MACROD2: variants seen among roughly 807,000 people sequenced by gnomAD.
MACROD2 encodes ADP-ribose glycohydrolase MACROD2.
A neutral mutation model predicts 70.4 loss-of-function variants in MACROD2; 36 were observed. That is an observed-to-expected ratio of 0.51 (90% confidence interval 0.39 to 0.68). The LOEUF is 0.68. Among genes scored for constraint, MACROD2 ranks in the 30% least tolerant of loss-of-function variants. MACROD2 has a pLI of 0.00. For synonymous variants in MACROD2, 172 were observed against 178.8 expected (o/e 0.96, Z 0.30); for missense variants, 496 against 538.4 (o/e 0.92, Z 0.78).
At chr20:15,370,078 T>G (rs2045471010) in intron 6 of MACROD2, among the ~76,000 whole-genome samples, 1 of 152,146 alleles carries the variant, frequency 6.6e-6, no homozygotes, top group African/African-American at 2.4e-5. Context: ...TATAATGAAC[T>G]TAGATGACTG....
intron 6 of MACROD2, among the ~76,000 whole-genome samples, chr20:15,276,131 T>G (rs1363248894): frequency 6.6e-6 from 1 of 152,176 alleles, no homozygotes; most frequent in East Asian, 1.9e-4. Flanking sequence ...CTGGTTGCGG[T>G]AGCTCATGCC....
intron 3 of MACROD2, among the ~76,000 whole-genome samples, chr20:14,433,634 T>C (rs2084021200): frequency 6.6e-6 from 1 of 152,092 alleles, no homozygotes; most frequent in African/African-American, 2.4e-5. Context: ...GAGTTAAGAC[T>C]ACTCACAAAA....
chr20:14,969,361 T>TACACACACACAC (rs3045701), intron 5 of MACROD2, among the ~76,000 whole-genome samples: 277 of 138,086 alleles, frequency 2.0e-3, no homozygotes, highest in South Asian at 7.0e-3. Context: ...TAAATGCTTT[T>TACACACACACAC]ACACACACAC....
chr20:14,161,568 C>A (rs752848163), intron 3 of MACROD2, among the ~76,000 whole-genome samples: 5 of 151,254 alleles, frequency 3.3e-5, no homozygotes, highest in Non-Finnish European at 5.9e-5. Context: ...TGTTGATAGA[C>A]CCTTTGGTTT....
intron 4 of MACROD2, among the ~76,000 whole-genome samples, chr20:14,592,917 T>G (rs1981873587): frequency 6.6e-6 from 1 of 152,160 alleles, no homozygotes; most frequent in Non-Finnish European, 1.5e-5. Flanking sequence ...ACTGAGATAG[T>G]TTAAGTTTCA....
At chr20:15,909,035 A>G (rs1256267024) in intron 10 of MACROD2, among the ~76,000 whole-genome samples, 1 of 152,220 alleles carries the variant, frequency 6.6e-6, no homozygotes, top group African/African-American at 2.4e-5. Flanking sequence ...CGACAGGGAT[A>G]GTTGTCTCTG....
intron 5 of MACROD2, among the ~76,000 whole-genome samples, chr20:14,706,631 C>T (rs1388937014): frequency 3.3e-5 from 5 of 151,886 alleles, no homozygotes; most frequent in African/African-American, 1.2e-4. Flanking sequence ...GCTGATTTTC[C>T]AGATTCAGTT....
chr20:14,613,056 G>A (rs561691296), intron 4 of MACROD2, among the ~76,000 whole-genome samples: 25 of 152,062 alleles, frequency 1.6e-4, no homozygotes, highest in African/African-American at 4.6e-4. Context: ...TTTATAAGTC[G>A]CATTAGAGAC....
At chr20:15,638,178 A>G (rs2049399350) in intron 8 of MACROD2, among the ~76,000 whole-genome samples, 1 of 152,216 alleles carries the variant, frequency 6.6e-6, no homozygotes, top group South Asian at 2.1e-4. Flanking sequence ...CCTCAGTATT[A>G]GGGAAATGGA....
intron 3 of MACROD2, among the ~76,000 whole-genome samples, chr20:14,276,829 C>G (rs1440155043): frequency 6.6e-6 from 1 of 152,068 alleles, no homozygotes; most frequent in Non-Finnish European, 1.5e-5. Context: ...TTAGTGCAGG[C>G]TAATGGATGA....
At chr20:15,447,812 C>A (rs973116076) in intron 7 of MACROD2, among the ~76,000 whole-genome samples, 3 of 152,082 alleles carry the variant, frequency 2.0e-5, no homozygotes, top group African/African-American at 4.8e-5. Context: ...CAGGGTGAAG[C>A]AGGAAAGAAA....
intron 7 of MACROD2, among the ~76,000 whole-genome samples, chr20:15,497,642 C>T (rs1486940019): frequency 6.6e-6 from 1 of 152,128 alleles, no homozygotes; most frequent in East Asian, 1.9e-4. Flanking sequence ...GCTTTTCTCT[C>T]CCGTTCATTT....
intron 6 of MACROD2, among the ~76,000 whole-genome samples, chr20:15,426,421 TGC>T (rs953989314): frequency 6.6e-6 from 1 of 152,112 alleles, no homozygotes; most frequent in African/African-American, 2.4e-5. Flanking sequence ...CATGGCTCAC[TGC>T]AGCCTCAACA....
intron 5 of MACROD2, among the ~76,000 whole-genome samples, chr20:15,070,125 C>G (rs2123104949): frequency 6.6e-6 from 1 of 152,250 alleles, no homozygotes; most frequent in East Asian, 1.9e-4. Context: ...GGATGAAGAG[C>G]CTGGAGTCAA....
At chr20:15,712,361 A>G (rs2146918181) in intron 8 of MACROD2, among the ~76,000 whole-genome samples, 1 of 152,344 alleles carries the variant, frequency 6.6e-6, no homozygotes, top group Non-Finnish European at 1.5e-5. Flanking sequence ...TGGGTTTGGA[A>G]GATGCTTCTT....
chr20:14,969,475 T>C (rs575768507), intron 5 of MACROD2, among the ~76,000 whole-genome samples: 1 of 151,638 alleles, frequency 6.6e-6, no homozygotes, highest in East Asian at 1.9e-4. Context: ...TAACAGGGTC[T>C]CAGAACACAG....
intron 5 of MACROD2, among the ~76,000 whole-genome samples, chr20:15,047,140 A>G (rs1244929948): frequency 6.6e-6 from 1 of 152,212 alleles, no homozygotes; most frequent in Non-Finnish European, 1.5e-5. Flanking sequence ...TGGATGTTAC[A>G]TCATCATTAT....
At chr20:14,485,175 C>G (rs111724015) in intron 3 of MACROD2, among the ~76,000 whole-genome samples, 2,066 of 152,138 alleles carry the variant, frequency 0.014, 41 homozygotes, top group African/African-American at 0.043. Context: ...CAGACACACA[C>G]ACACAAACAC....
At chr20:15,366,274 C>G (rs943926948) in intron 6 of MACROD2, among the ~76,000 whole-genome samples, 1 of 152,020 alleles carries the variant, frequency 6.6e-6, no homozygotes, top group Non-Finnish European at 1.5e-5. Flanking sequence ...TTTTTCCCCC[C>G]ACTAGTATCC....
Sources: allele counts gnomAD v4.1 joint callset (sites outside exome capture counted in the v4.1 genomes callset), GRCh38; gene constraint gnomAD v4.1.1; transcripts MANE v1.5; gene names NCBI Gene and HGNC (gene_info 2026-07-23, HGNC 2026-07-21).